Variants in BNC2 observed in about 807,000 individuals in gnomAD.
The protein encoded by BNC2 is basonuclin zinc finger protein 2.
In BNC2, 20 loss-of-function variants were observed where a neutral mutation model predicts 76.3. That is an observed-to-expected ratio of 0.26 (90% CI 0.18 to 0.38). BNC2 has a LOEUF of 0.38. Among genes scored for constraint, BNC2 ranks in the 10% least tolerant of loss-of-function variants. The probability of loss-of-function intolerance (pLI) is 1.00; values close to 1 mark genes in which losing one functional copy is unlikely to be tolerated. For synonymous variants in BNC2, 582 were observed against 514.8 expected, an observed-to-expected ratio of 1.13 and a Z score of -1.77; for missense variants, 1,382 against 1,399.8, an observed-to-expected ratio of 0.99 and a Z score of 0.20.
chr9:16,860,193 G>C (rs950629272), intron 1 of BNC2, among the ~76,000 whole-genome samples: 7 of 151,392 alleles, frequency 4.6e-5, no homozygotes, highest in Admixed American at 2.0e-4. Context: ...TTTTTAAAAA[G>C]TCAACTTCTA....
At chr9:16,501,878 C>T (rs548130123) in intron 5 of BNC2, among the ~76,000 whole-genome samples, 4 of 152,306 alleles carry the variant, frequency 2.6e-5, no homozygotes, top group South Asian at 2.1e-4. Flanking sequence ...ACAGCCTCTA[C>T]TCCATTGGTT....
intron 3 of BNC2, among the ~76,000 whole-genome samples, chr9:16,712,478 G>A (rs1823877814): frequency 6.6e-6 from 1 of 152,098 alleles, no homozygotes; most frequent in South Asian, 2.1e-4. Flanking sequence ...ACTAACAGAA[G>A]ACAAAATGTA....
At chr9:16,565,828 CAAAT>C (rs1365868453) in intron 4 of BNC2, among the ~76,000 whole-genome samples, 2 of 147,956 alleles carry the variant, frequency 1.4e-5, no homozygotes, top group African/African-American at 4.9e-5. Context: ...AAGCAACAAA[CAAAT>C]AAACAAACAC....
At chr9:16,446,166 A>C (rs1276078208) in intron 5 of BNC2, among the ~76,000 whole-genome samples, 1 of 152,192 alleles carries the variant, frequency 6.6e-6, no homozygotes, top group Admixed American at 6.5e-5. Context: ...ACAGGAATAC[A>C]GAAACTACTG....
chr9:16,841,701 AAATAC>A (rs1432358134), intron 1 of BNC2, among the ~76,000 whole-genome samples: 5 of 152,246 alleles, frequency 3.3e-5, no homozygotes, highest in African/African-American at 1.2e-4. Context: ...AAAAAAGATA[AAATAC>A]TTCAAAATAA....
chr9:16,585,695 C>G (rs1323122976), intron 3 of BNC2, among the ~76,000 whole-genome samples: 2 of 152,104 alleles, frequency 1.3e-5, no homozygotes, highest in Non-Finnish European at 2.9e-5. Flanking sequence ...GCCAACTCAC[C>G]CACACGCAAA....
intron 5 of BNC2, among the ~76,000 whole-genome samples, chr9:16,492,813 CTG>C (rs1822306389): frequency 6.6e-6 from 1 of 151,364 alleles, no homozygotes; most frequent in Admixed American, 6.6e-5. Flanking sequence ...CAGAACACTG[CTG>C]CTAAAATCTT....
chr9:16,412,017 A>G lies in BNC2; in HGVS notation c.*6972T>C, dbSNP rs1820471939. ...TTTCAATATACAAAAATAGCAGCCA[A>G]TCTTTGGGCTCAGGGCATTTTGGAA... On this transcript the variant is annotated 3_prime_UTR_variant, in exon 7 of 7. Transcript: ENST00000380672. 6.6e-6 allele frequency: 1 copy of G among 152,530 alleles called. No individual in the cohort carries two copies. Among genetic ancestry groups the G allele is most frequent in the Non-Finnish European group, 1.5e-5 (1 of 68,044 alleles). 9.4% of individuals were successfully genotyped at this position (152,530 alleles called of 1,614,324 possible).
At chr9:16,646,395 C>G (rs772591677) in intron 3 of BNC2, among the ~76,000 whole-genome samples, 10 of 152,152 alleles carry the variant, frequency 6.6e-5, no homozygotes, top group Non-Finnish European at 1.2e-4. Flanking sequence ...TTTTAAATGG[C>G]TGTTGTTTAC....
chr9:16,601,068 GA>G (rs1433199086), intron 3 of BNC2, among the ~76,000 whole-genome samples: 12 of 152,106 alleles, frequency 7.9e-5, no homozygotes, highest in Non-Finnish European at 1.3e-4. Flanking sequence ...CACGTGCTGC[GA>G]AAACAAGGTT....
In BNC2 at chr9:16,816,542, T is replaced by C. The variant is rs186829319; in HGVS notation, c.3+54104A>G. Among the ~76,000 whole-genome samples the C allele has an allele frequency of 3.4e-3, 513 of 152,280 alleles. 2 individuals are homozygous for C. The highest frequency in any genetic ancestry group is 4.6e-3 in the Non-Finnish European group (310 of 68,010). ...AAAAAAGATATACAAAGTATAACAA[T>C]GACAGCAGATTTTAAAAAGTCAAGG... On this transcript the variant is annotated intron_variant, in intron 1 of 6. Coordinates refer to ENST00000380672, the MANE Select transcript of BNC2 (RefSeq NM_017637.6).
chr9:16,713,454 T>C (rs2134753691), intron 3 of BNC2, among the ~76,000 whole-genome samples: 1 of 151,396 alleles, frequency 6.6e-6, no homozygotes, highest in Non-Finnish European at 1.5e-5. Context: ...ACTTTTTTTT[T>C]TTTTTTTTTT....
chr9:16,702,680 G>A (rs1823549355), intron 3 of BNC2, among the ~76,000 whole-genome samples: 1 of 152,034 alleles, frequency 6.6e-6, no homozygotes, highest in African/African-American at 2.4e-5. Context: ...CTTCCCAAGG[G>A]ATAAAAACTG....
chr9:16,682,089 G>A (rs918006143), intron 3 of BNC2, among the ~76,000 whole-genome samples: 1 of 151,728 alleles, frequency 6.6e-6, no homozygotes, highest in African/African-American at 2.4e-5. Flanking sequence ...TATCTGTGAA[G>A]GAAACAACCT....
chr9:16,609,594 A>T (rs1339563328), intron 3 of BNC2, among the ~76,000 whole-genome samples: 2 of 152,198 alleles, frequency 1.3e-5, no homozygotes, highest in East Asian at 3.9e-4. Context: ...TGTTACAGGT[A>T]ATAAAGGTAT....
chr9:16,610,294 T>G (rs80209256), intron 3 of BNC2, among the ~76,000 whole-genome samples: 1 of 152,124 alleles, frequency 6.6e-6, no homozygotes, highest in Non-Finnish European at 1.5e-5. Context: ...GCTCATCTAA[T>G]GGTTTTCATG....
intron 1 of BNC2, among the ~76,000 whole-genome samples, chr9:16,749,279 CA>C (rs1157161119): frequency 2.0e-5 from 3 of 152,114 alleles, no homozygotes; most frequent in African/African-American, 7.2e-5. Context: ...TAGAAGTCTA[CA>C]AATCAGTACA....
chr9:16,720,286 A>G (rs1171776633), intron 3 of BNC2, among the ~76,000 whole-genome samples: 1 of 152,234 alleles, frequency 6.6e-6, no homozygotes, highest in Non-Finnish European at 1.5e-5. Context: ...CTCTTCTATT[A>G]AGGCAAAAAG....
chr9:16,441,717 A>G (rs761809130), intron 5 of BNC2, among the ~76,000 whole-genome samples: 6 of 152,212 alleles, frequency 3.9e-5, no homozygotes, highest in Non-Finnish European at 8.8e-5. Context: ...ATTTGGGACA[A>G]GTGGACACTG....
Sources: gnomAD v4.1 joint callset for allele counts (sites outside exome capture counted in the v4.1 genomes callset) on GRCh38, gnomAD v4.1.1 for gene constraint, MANE v1.5 for transcripts, NCBI Gene and HGNC (gene_info 2026-07-23, HGNC 2026-07-21) for gene names.